The following ZNF286A variants were observed in gnomAD, a reference collection of about 807,000 sequenced individuals.
ZNF286A encodes the protein zinc finger protein 286A.
ZNF286A carries 34 observed loss-of-function variants against 49.3 expected under a neutral mutation model. The ratio of observed to expected loss-of-function variants is 0.69; its 90% CI spans 0.52 to 0.92. The LOEUF is 0.92. Among genes scored for constraint, ZNF286A ranks in the 40% least tolerant of loss-of-function variants. ZNF286A has a pLI of 0.00. For missense variants in ZNF286A, 462 were observed against 600.2 expected, an observed-to-expected ratio of 0.77 and a Z score of 2.41; for synonymous variants, 155 against 200.4, an observed-to-expected ratio of 0.77 and a Z score of 1.91.
At chr17:15,707,765 C>T (rs1351630326) in intron 4 of ZNF286A, among the ~76,000 whole-genome samples, 2 of 152,234 alleles carry the variant, frequency 1.3e-5, no homozygotes, top group African/African-American at 4.8e-5. Context: ...CTTACTTCAG[C>T]TCTTCCTGTA....
In ZNF286A at chr17:15,704,362, G is replaced by A. The variant is rs1313127054; in HGVS notation, c.127-2025G>A. Reference sequence around the variant, plus strand: ...CAGGCCCCCTGGGGCCCCAGGGTCGGTGGAGGAAGCTGCAGTGCCACTGGC... The same window carrying A: ...CAGGCCCCCTGGGGCCCCAGGGTCGATGGAGGAAGCTGCAGTGCCACTGGC... On this transcript the variant is annotated intron_variant, in intron 3 of 5. Coordinates refer to ENST00000583566, the MANE Select transcript of ZNF286A (RefSeq NM_001130842.2). 1.9e-6 allele frequency: 3 copies of A among 1,610,560 alleles called. No individual in the cohort carries two copies. In the South Asian group the frequency reaches 3.3e-5, roughly 18 times the overall value.
rs1477098561 is a variant in ZNF286A at position 15,699,755 on chromosome 17, C to T, written c.-218C>T. On this transcript the variant is annotated 5_prime_UTR_variant, in exon 1 of 6. Coordinates refer to ENST00000583566, the MANE Select transcript of ZNF286A (RefSeq NM_001130842.2). The stretch of plus-strand genomic sequence containing the variant: ...CGAGCTGGCCAAAGAAGTTCGTCCC[C>T]TTTGTGAGGCCCGGGATGGGAGGTG... 5.7e-6 allele frequency: 4 copies of T among 702,790 alleles called. No individual in the cohort carries two copies. The highest frequency in any genetic ancestry group is 2.7e-5 in the East Asian group (1 of 37,304). 43.5% of individuals were successfully genotyped at this position (702,790 alleles called of 1,614,324 possible).
Position 15,716,911 on chromosome 17 carries a change from C to T in ZNF286A, c.1187C>T (p.Ser396Phe). 1 of 1,610,948 alleles carries T rather than the reference C, an allele frequency of 6.2e-7. No homozygotes were observed. The highest frequency in any genetic ancestry group is 8.5e-7 in the Non-Finnish European group (1 of 1,177,950). ...ECGKAFSHCS[S>F]LTKHQRVHTG... ...GGGAAAGCCTTTAGCCATTGCTCAT[C>T]CCTAACTAAGCATCAGAGAGTTCAT... The change falls in exon 6 of 6, where the codon TCC (serine) becomes TTC (phenylalanine). Residue 396 changes from serine to phenylalanine, a missense_variant. Physicochemically the swap from Ser to Phe is radical, Grantham distance 155 (BLOSUM62 -2). This residue lies in a region of ZNF286A where 201 missense variants were observed against 311.3 expected (regional missense o/e 0.65). Transcript: ENST00000583566.
At chr17:15,702,522 A>T (rs986359044) in intron 3 of ZNF286A, among the ~76,000 whole-genome samples, 1 of 152,160 alleles carries the variant, frequency 6.6e-6, no homozygotes, top group Non-Finnish European at 1.5e-5. Flanking sequence ...AAAAAAAAAA[A>T]AAAAAGAAGT....
Position 15,716,469 on chromosome 17 carries a change from G to A in ZNF286A, c.745G>A (p.Gly249Ser), listed in dbSNP as rs1313309371. The A allele has an allele frequency of 6.2e-7, 1 of 1,613,818 alleles. No individual in the cohort carries two copies. The highest frequency in any genetic ancestry group is 1.3e-5 in the African/African-American group (1 of 74,880). Reference protein sequence around the residue: ...EKKPHKCNDCGELFTYHSVLI... With the variant: ...EKKPHKCNDCSELFTYHSVLI... ...AAAACCTCATAAATGTAATGATTGT[G>A]GTGAACTCTTCACCTACCATTCAGT... is the stretch of plus-strand genomic sequence containing the variant. The change falls in exon 6 of 6, where the codon GGT becomes AGT. Residue 249 changes from glycine (G) to serine (S), a missense_variant. Transcript: ENST00000583566.
intron 3 of ZNF286A, chr17:15,704,807 T>C: frequency 6.2e-7 from 1 of 1,613,870 alleles, no homozygotes; most frequent in Non-Finnish European, 8.5e-7. Flanking sequence ...GGAAAGACCT[T>C]GATGCCATCG....
chr17:15,709,811 G>A (rs1237114018), intron 5 of ZNF286A: 13 of 1,545,424 alleles, frequency 8.4e-6, no homozygotes, highest in Admixed American at 5.9e-5. Context: ...TTTTTTTTCT[G>A]TTAGCAGTTG....
intron 5 of ZNF286A, among the ~76,000 whole-genome samples, chr17:15,715,117 T>A (rs1374864898): frequency 6.6e-6 from 1 of 152,042 alleles, no homozygotes; most frequent in African/African-American, 2.4e-5. Flanking sequence ...ATATTAGATA[T>A]ATTTAGAGAG....
chr17:15,708,459 T>C (rs1250908050), intron 5 of ZNF286A: 2 of 387,174 alleles, frequency 5.2e-6, no homozygotes, highest in Non-Finnish European at 9.1e-6. Context: ...TTTGCTTCGT[T>C]TGCCTCTTTT....
chr17:15,705,701 T>C (rs1487496557), intron 3 of ZNF286A, among the ~76,000 whole-genome samples: 1 of 152,252 alleles, frequency 6.6e-6, no homozygotes, highest in Non-Finnish European at 1.5e-5. Flanking sequence ...CTTGAAATAT[T>C]ATTCCTGTTG....
chr17:15,710,978 C>T (rs535345293), intron 5 of ZNF286A, among the ~76,000 whole-genome samples: 9 of 151,150 alleles, frequency 6.0e-5, no homozygotes, highest in Admixed American at 5.3e-4. Context: ...GTGGCACGAT[C>T]TTGGCTCACT....
At chr17:15,704,709 G>A (rs1990070852) in intron 3 of ZNF286A, 3 of 1,613,882 alleles carry the variant, frequency 1.9e-6, no homozygotes, top group Middle Eastern at 1.7e-4. Flanking sequence ...TCCCCAGCAG[G>A]AGTTTCATGC....
At chr17:15,706,745 A>G (rs1002151318) in intron 4 of ZNF286A, among the ~76,000 whole-genome samples, 1 of 152,136 alleles carries the variant, frequency 6.6e-6, no homozygotes, top group Non-Finnish European at 1.5e-5. Flanking sequence ...GGGGAAAAAA[A>G]TTTTGATTTT....
At chr17:15,701,996 C>T (rs547956652) in intron 3 of ZNF286A, among the ~76,000 whole-genome samples, 1 of 151,964 alleles carries the variant, frequency 6.6e-6, no homozygotes, top group Non-Finnish European at 1.5e-5. Context: ...GTGGCACGCA[C>T]CTGTAGTCCC....
chr17:15,704,290 T>C, intron 3 of ZNF286A: 5 of 1,609,380 alleles, frequency 3.1e-6, no homozygotes, highest in Admixed American at 3.3e-5. Context: ...CAGCTTCTTA[T>C]CGCGCTCGCC....
chr17:15,719,152 AAAAG>A lies in ZNF286A; in HGVS notation c.*1870_*1873del, dbSNP rs1223247564. The stretch of plus-strand genomic sequence containing the variant: ...GTATCATTACTCAAAAAAAAAAAAA[AAAAG>A]AAAGAAAAGAAAACACAGGAAAAGG... On this transcript the variant is annotated 3_prime_UTR_variant, in exon 6 of 6. Transcript: ENST00000583566. The A allele has an allele frequency of 1.2e-4, 16 of 132,414 alleles. 1 individual carries two copies. The highest frequency in any genetic ancestry group is 5.2e-4 in the South Asian group (2 of 3,862). The allele number at this position is 132,414 out of a possible 1,614,324, so 8.2% of individuals were successfully genotyped here. A position where few individuals can be genotyped will look rare whatever the true frequency, so the allele number is the denominator to read the frequency against.
At chr17:15,711,447 C>T (rs1990639939) in intron 5 of ZNF286A, 1 of 152,054 alleles carries the variant, frequency 6.6e-6, no homozygotes, top group Admixed American at 6.6e-5. Context: ...ATTTTAATCT[C>T]CCTTCCTTTT....
At chr17:15,706,600 G>A in intron 4 of ZNF286A, 99 bp downstream of exon 4, 3 of 833,302 alleles carry the variant, frequency 3.6e-6, no homozygotes, top group African/African-American at 1.7e-5. Context: ...GCATTCAGGA[G>A]TCAAAAAGTG....
At position 15,718,938 on chromosome 17, in the gene ZNF286A, G is replaced by A. The variant is rs1192063593; in HGVS notation, c.*1648G>A. On this transcript the variant is annotated 3_prime_UTR_variant, in exon 6 of 6. Transcript: ENST00000583566. ...TAGAGCAAGAGGAAAAGAGAGAGGG[G>A]AGGTGCTACACACTTTTTATGCAAC... 47 of 134,970 alleles carry A rather than the reference G, an allele frequency of 3.5e-4. No individual in the cohort carries two copies. The highest frequency in any genetic ancestry group is 1.3e-3 in the African/African-American group (43 of 33,386). The allele number at this position is 134,970 out of a possible 1,614,324, so 8.4% of individuals were successfully genotyped here.
Sources: allele counts gnomAD v4.1 joint callset (sites outside exome capture counted in the v4.1 genomes callset), GRCh38; gene constraint gnomAD v4.1.1; regional missense constraint gnomAD v4.1.1; transcripts MANE v1.5; gene names NCBI Gene and HGNC (gene_info 2026-07-23, HGNC 2026-07-21).